Variants in CWC27 observed in about 807,000 individuals in gnomAD.
The protein encoded by CWC27 is CWC27 spliceosome associated cyclophilin, also known as spliceosome-associated protein CWC27 homolog.
A neutral mutation model predicts 63.6 loss-of-function variants in CWC27; 47 were observed. The ratio of observed to expected loss-of-function variants is 0.74; its 90% CI spans 0.58 to 0.94. CWC27 has a LOEUF of 0.94. Ranked by LOEUF, CWC27 falls within the 40% of genes least tolerant of loss-of-function variation. CWC27 has a pLI of 0.00. For missense variants in CWC27, 495 were observed against 554.3 expected (o/e 0.89, Z 1.07); for synonymous variants, 175 against 179.8 (o/e 0.97, Z 0.22).
intron 11 of CWC27, among the ~76,000 whole-genome samples, chr5:64,935,386 C>T (rs1748324574): frequency 1.3e-5 from 2 of 152,172 alleles, no homozygotes; most frequent in Non-Finnish European, 2.9e-5. Flanking sequence ...TTGTTTTCAT[C>T]AGGTTTATCA....
intron 10 of CWC27, chr5:64,808,697 A>G (rs1461999398): frequency 6.6e-6 from 1 of 152,158 alleles, no homozygotes; most frequent in East Asian, 1.9e-4. Flanking sequence ...AGAGGCGGCT[A>G]ATATCTTAAG....
At chr5:64,982,727 C>T (rs914302854) in intron 13 of CWC27, among the ~76,000 whole-genome samples, 1 of 152,100 alleles carries the variant, frequency 6.6e-6, no homozygotes, top group Non-Finnish European at 1.5e-5. Flanking sequence ...ATGAACTTAG[C>T]CAACTTCACC....
chr5:65,013,898 T>TAATATATTAG (rs1750006754), intron 13 of CWC27, among the ~76,000 whole-genome samples: 1 of 152,166 alleles, frequency 6.6e-6, no homozygotes, highest in Non-Finnish European at 1.5e-5. Context: ...AATGTTGGAA[T>TAATATATTAG]TCTATATTAG....
intron 10 of CWC27, among the ~76,000 whole-genome samples, chr5:64,880,853 C>CTTTTTTTTT (rs571051416): frequency 2.2e-5 from 3 of 136,078 alleles, no homozygotes; most frequent in African/African-American, 5.5e-5. Flanking sequence ...TTATAAAAGC[C>CTTTTTTTTT]ATTTTTTTTT....
chr5:64,997,541 T>C (rs965530870), intron 13 of CWC27, among the ~76,000 whole-genome samples: 1 of 152,166 alleles, frequency 6.6e-6, no homozygotes, highest in Non-Finnish European at 1.5e-5. Flanking sequence ...TTCTATAATA[T>C]TTGACTGTTT....
intron 13 of CWC27, among the ~76,000 whole-genome samples, chr5:65,016,926 A>G (rs943935452): frequency 6.6e-6 from 1 of 152,226 alleles, no homozygotes; most frequent in Non-Finnish European, 1.5e-5. Context: ...CAGGCATATA[A>G]GAAGTATTAA....
chr5:64,987,395 G>A lies in CWC27; in HGVS notation c.1256+10157G>A, dbSNP rs977402921. Among the ~76,000 whole-genome samples, 6 of 152,028 alleles carry A rather than the reference G, an allele frequency of 3.9e-5. No individual in the cohort carries two copies. The South Asian group carries it at 6.2e-4, about 16-fold the overall frequency. On this transcript the variant is annotated intron_variant, in intron 13 of 13. Transcript: ENST00000381070. The stretch of plus-strand genomic sequence containing the variant: ...TCCCTTTGTATTCTAGCCAATTTGT[G>A]TATTACATCTACATATATTGAGAAT...
At chr5:64,957,889 C>T (rs1748832975) in intron 11 of CWC27, among the ~76,000 whole-genome samples, 1 of 152,102 alleles carries the variant, frequency 6.6e-6, no homozygotes, top group East Asian at 1.9e-4. Context: ...CTCTCTATCC[C>T]TTAACATGTT....
At chr5:64,774,519 A>G (rs1336087445) in intron 1 of CWC27, among the ~76,000 whole-genome samples, 172 bp from the exon 2 acceptor site, 16 of 152,226 alleles carry the variant, frequency 1.1e-4, no homozygotes, top group Admixed American at 1.0e-3. Context: ...ATGTACAATG[A>G]GTTGTAGTGA....
At chr5:64,969,180 T>C (rs1230404493) in intron 11 of CWC27, among the ~76,000 whole-genome samples, 1 of 152,260 alleles carries the variant, frequency 6.6e-6, no homozygotes, top group Non-Finnish European at 1.5e-5. Flanking sequence ...TTGAAAGTTG[T>C]AAGCTTAACT....
chr5:64,863,604 T>C (rs60732202), intron 10 of CWC27, among the ~76,000 whole-genome samples: 55,182 of 151,780 alleles, frequency 0.36, 10,620 homozygotes, highest in East Asian at 0.51. Context: ...AAGTGATCCT[T>C]CCACGTCAGC....
intron 11 of CWC27, among the ~76,000 whole-genome samples, chr5:64,912,253 A>C (rs879834767): frequency 1.3e-4 from 20 of 152,056 alleles, no homozygotes; most frequent in Admixed American, 2.0e-4. Context: ...CCTAAGCATC[A>C]CTTTTTCTGC....
chr5:64,783,829 A>C lies in CWC27; in HGVS notation c.253-7A>C, dbSNP rs1301516057. On this transcript the variant is annotated splice_polypyrimidine_tract_variant and splice_region_variant and intron_variant, in intron 3 of 13. Coordinates refer to ENST00000381070, the MANE Select transcript of CWC27 (RefSeq NM_005869.4). Reference sequence around the variant, plus strand: ...GAGGACATTCACTAAATCTTTTTACATTTCAGGATGAATTTCATTCACGGT... The same window carrying C: ...GAGGACATTCACTAAATCTTTTTACCTTTCAGGATGAATTTCATTCACGGT... 2.6e-6 allele frequency: 4 copies of C among 1,554,010 alleles called. No individual in the cohort carries two copies. The highest frequency in any genetic ancestry group is 2.5e-5 in the South Asian group (2 of 80,372).
intron 8 of CWC27, 69 bp downstream of exon 8, chr5:64,800,396 G>GTCC (rs1744448443): frequency 8.5e-7 from 1 of 1,175,986 alleles, no homozygotes; most frequent in African/African-American, 1.6e-5. Flanking sequence ...TGCTTCTTCT[G>GTCC]TGAGTAAACA....
intron 10 of CWC27, among the ~76,000 whole-genome samples, chr5:64,841,297 C>A (rs147395382): frequency 5.9e-5 from 9 of 152,194 alleles, no homozygotes; most frequent in Non-Finnish European, 1.2e-4. Context: ...GAGCTCACAC[C>A]CATAATGATG....
chr5:65,010,669 G>A (rs1206932876), intron 13 of CWC27, among the ~76,000 whole-genome samples: 1 of 152,138 alleles, frequency 6.6e-6, no homozygotes, highest in African/African-American at 2.4e-5. Flanking sequence ...GACAATATAT[G>A]TACTTTCTCC....
At chr5:64,873,053 A>G (rs141543502) in intron 10 of CWC27, among the ~76,000 whole-genome samples, 1 of 152,224 alleles carries the variant, frequency 6.6e-6, no homozygotes, top group African/African-American at 2.4e-5. Flanking sequence ...CCTACTCAGT[A>G]TAAAAAATTA....
intron 13 of CWC27, among the ~76,000 whole-genome samples, chr5:65,009,209 A>C (rs2112472808): frequency 6.6e-6 from 1 of 152,238 alleles, no homozygotes; most frequent in South Asian, 2.1e-4. Context: ...GTACTCAAGG[A>C]AACTGTCATA....
chr5:64,786,503 T>C, intron 5 of CWC27, 21 bp from the exon 6 acceptor site: 1 of 1,412,820 alleles, frequency 7.1e-7, no homozygotes, highest in Non-Finnish European at 9.6e-7. Flanking sequence ...AATAATGTTT[T>C]CGAAATATTT....
Sources: gnomAD v4.1 joint callset for allele counts (sites outside exome capture counted in the v4.1 genomes callset) on GRCh38, gnomAD v4.1.1 for gene constraint, MANE v1.5 for transcripts, NCBI Gene and HGNC (gene_info 2026-07-23, HGNC 2026-07-21) for gene names.